The following KCNIP4 variants were observed in gnomAD, a reference collection of about 807,000 sequenced individuals.
The protein encoded by KCNIP4 is potassium voltage-gated channel interacting protein 4, also known as Kv channel-interacting protein 4.
In KCNIP4, 12 loss-of-function variants were observed where a neutral mutation model predicts 34.0. The observed-to-expected ratio is 0.35, with a 90% CI of 0.23 to 0.57. The LOEUF (loss-of-function observed/expected upper bound fraction) is 0.57, where lower values mean the gene tolerates loss of function less well. Among genes scored for constraint, KCNIP4 ranks in the 20% least tolerant of loss-of-function variants. The probability of loss-of-function intolerance (pLI) is 0.83; values close to 1 mark genes in which losing one functional copy is unlikely to be tolerated. For synonymous variants in KCNIP4, 124 were observed against 102.2 expected (o/e 1.21, Z -1.29); for missense variants, 238 against 311.7 (o/e 0.76, Z 1.78).
chr4:20,791,216 A>G (rs866714227), intron 3 of KCNIP4, among the ~76,000 whole-genome samples: 1 of 152,218 alleles, frequency 6.6e-6, no homozygotes, highest in Non-Finnish European at 1.5e-5. Context: ...CAGTAAAGAT[A>G]TATTTCAAAA....
intron 1 of KCNIP4, among the ~76,000 whole-genome samples, chr4:21,095,459 G>A (rs1172698227): frequency 6.6e-6 from 1 of 151,998 alleles, no homozygotes; most frequent in Non-Finnish European, 1.5e-5. Context: ...CTCTAGGCAT[G>A]GATCTAATCT....
At chr4:21,441,653 A>G (rs1727497133) in intron 1 of KCNIP4, among the ~76,000 whole-genome samples, 1 of 152,154 alleles carries the variant, frequency 6.6e-6, no homozygotes, top group Non-Finnish European at 1.5e-5. Context: ...TTTTCCTACT[A>G]TGTCTTTCTG....
Position 20,803,164 on chromosome 4 carries a change from T to A in KCNIP4, c.289-44274A>T, listed in dbSNP as rs1714576651. 1.3e-5 allele frequency among the ~76,000 whole-genome samples: 2 copies of A among 149,684 alleles called. 1 individual carries two copies. The highest frequency in any genetic ancestry group is 4.9e-5 in the African/African-American group (2 of 40,616). Reference sequence around the variant, plus strand: ...CTATGGGATGCAGCCAAACCATTTCTAAGAGGAAAATTTATTGCAATAAAT... The same window carrying A: ...CTATGGGATGCAGCCAAACCATTTCAAAGAGGAAAATTTATTGCAATAAAT... On this transcript the variant is annotated intron_variant, in intron 3 of 8. Transcript: ENST00000382152.
At chr4:21,403,301 C>G (rs1258241459) in intron 1 of KCNIP4, among the ~76,000 whole-genome samples, 1 of 152,218 alleles carries the variant, frequency 6.6e-6, no homozygotes, top group Non-Finnish European at 1.5e-5. Flanking sequence ...ATTATATTGG[C>G]TATATTTGAA....
intron 1 of KCNIP4, among the ~76,000 whole-genome samples, chr4:21,857,154 G>T (rs115140651): frequency 0.01 from 1,577 of 152,256 alleles, 31 homozygotes; most frequent in African/African-American, 0.036. Context: ...TTTTTTCTGG[G>T]CCTACCCATG....
intron 1 of KCNIP4, among the ~76,000 whole-genome samples, chr4:21,279,118 A>T (rs1397585518): frequency 6.6e-6 from 1 of 152,210 alleles, no homozygotes; most frequent in Admixed American, 6.5e-5. Context: ...AGCTTATATT[A>T]GGTTGGTGGA....
At chr4:21,326,289 C>CATATATATATATAT (rs61553563) in intron 1 of KCNIP4, among the ~76,000 whole-genome samples, 1 of 148,578 alleles carries the variant, frequency 6.7e-6, no homozygotes, top group African/African-American at 2.5e-5. Flanking sequence ...GTTGGATATA[C>CATATATATATATAT]ATATATATAT....
At chr4:21,046,850 TC>T (rs2149786585) in intron 1 of KCNIP4, among the ~76,000 whole-genome samples, 1 of 152,240 alleles carries the variant, frequency 6.6e-6, no homozygotes, top group Admixed American at 6.5e-5. Context: ...CTCCTGGCCT[TC>T]CAAAGTGCTG....
chr4:21,683,613 C>T (rs916252397), intron 1 of KCNIP4, among the ~76,000 whole-genome samples: 3 of 151,444 alleles, frequency 2.0e-5, no homozygotes, highest in African/African-American at 4.9e-5. Flanking sequence ...GGACTACAGG[C>T]GCCCGCCACC....
At chr4:21,506,590 T>C (rs1260610019) in intron 1 of KCNIP4, among the ~76,000 whole-genome samples, 1 of 152,228 alleles carries the variant, frequency 6.6e-6, no homozygotes, top group Non-Finnish European at 1.5e-5. Flanking sequence ...ACATGTTCTT[T>C]TGAATAAATT....
chr4:21,564,305 GATTTAATGAGGAATTA>G (rs1739674232), intron 1 of KCNIP4, among the ~76,000 whole-genome samples: 1 of 152,052 alleles, frequency 6.6e-6, no homozygotes, highest in South Asian at 2.1e-4. Flanking sequence ...TTCTTCCATG[GATTTAATGAGGAATTA>G]AGATTCAGAA....
chr4:21,326,600 T>C (rs1320620752), intron 1 of KCNIP4, among the ~76,000 whole-genome samples: 1 of 151,830 alleles, frequency 6.6e-6, no homozygotes. Context: ...AGTCGTCTAC[T>C]CTGTCTTTTG....
intron 1 of KCNIP4, among the ~76,000 whole-genome samples, chr4:21,713,980 T>A (rs1713949621): frequency 6.6e-6 from 1 of 152,194 alleles, no homozygotes; most frequent in African/African-American, 2.4e-5. Context: ...GTCCAGCACT[T>A]CCACTCAATT....
chr4:20,866,371 G>T (rs989002470), intron 2 of KCNIP4, among the ~76,000 whole-genome samples: 5 of 152,044 alleles, frequency 3.3e-5, no homozygotes, highest in South Asian at 2.1e-4. Context: ...ATCAATAAAT[G>T]TGATTCACTA....
At chr4:20,742,591 A>AACCC (rs1194678200) in intron 5 of KCNIP4, among the ~76,000 whole-genome samples, 1 of 152,170 alleles carries the variant, frequency 6.6e-6, no homozygotes, top group South Asian at 2.1e-4. Flanking sequence ...ATTTATGGCA[A>AACCC]ACCCACAGCC....
intron 1 of KCNIP4, among the ~76,000 whole-genome samples, chr4:20,939,464 C>T (rs371235837): frequency 3.9e-4 from 59 of 152,174 alleles, no homozygotes; most frequent in East Asian, 2.5e-3. Context: ...ACCTCTGCCT[C>T]CCAGGTTCAA....
intron 1 of KCNIP4, among the ~76,000 whole-genome samples, chr4:21,226,451 T>C (rs927990407): frequency 1.3e-5 from 2 of 151,960 alleles, no homozygotes; most frequent in Admixed American, 1.3e-4. Context: ...GATACAATTA[T>C]GAACGTGAAA....
At chr4:21,219,202 C>T (rs1353604734) in intron 1 of KCNIP4, among the ~76,000 whole-genome samples, 1 of 152,044 alleles carries the variant, frequency 6.6e-6, no homozygotes, top group Non-Finnish European at 1.5e-5. Context: ...TATGGAAGAT[C>T]TCTGAAACTT....
At chr4:21,763,155 C>G (rs1212623777) in intron 1 of KCNIP4, 1 of 1,228,908 alleles carries the variant, frequency 8.1e-7, no homozygotes, top group East Asian at 5.7e-5. Flanking sequence ...TGAATTCACA[C>G]AAACAAAATG....
Sources: allele counts gnomAD v4.1 joint callset (sites outside exome capture counted in the v4.1 genomes callset), GRCh38; gene constraint gnomAD v4.1.1; transcripts MANE v1.5; gene names NCBI Gene and HGNC (gene_info 2026-07-23, HGNC 2026-07-21).